Variants in SCAI observed in about 807,000 individuals in gnomAD.
SCAI encodes suppressor of cancer cell invasion, also known as protein SCAI.
A neutral mutation model predicts 92.2 loss-of-function variants in SCAI; 24 were observed. The ratio of observed to expected loss-of-function variants is 0.26; its 90% confidence interval spans 0.19 to 0.37. The LOEUF is 0.37. Among genes scored for constraint, SCAI ranks in the 10% least tolerant of loss-of-function variants. The probability of loss-of-function intolerance (pLI) is 1.00; values close to 1 mark genes in which losing one functional copy is unlikely to be tolerated. For missense variants in SCAI, 450 were observed against 736.2 expected, an observed-to-expected ratio of 0.61 and a Z score of 4.50; for synonymous variants, 261 against 258.6, an observed-to-expected ratio of 1.01 and a Z score of -0.09.
chr9:125,098,034 C>A (rs1027504104), intron 2 of SCAI, among the ~76,000 whole-genome samples: 1 of 149,538 alleles, frequency 6.7e-6, no homozygotes, highest in Non-Finnish European at 1.5e-5. Context: ...TATCTATACA[C>A]ACACATATAT....
chr9:125,026,749 T>C, intron 6 of SCAI, 63 bp downstream of exon 6: 1 of 858,068 alleles, frequency 1.2e-6, no homozygotes, highest in Non-Finnish European at 1.8e-6. Flanking sequence ...TCCACACAAT[T>C]TCTACGAAGA....
rs1480552022 is a variant in SCAI at position 124,944,552 on chromosome 9, A to G, written c.*8255T>C. The G allele has an allele frequency of 2.0e-5, 3 of 149,174 alleles. No homozygotes were observed. Among genetic ancestry groups the G allele is most frequent in the African/African-American group, 7.4e-5 (3 of 40,434 alleles). The allele number at this position is 149,174 out of a possible 1,614,324, so 9.2% of individuals were successfully genotyped here. On this transcript the variant is annotated 3_prime_UTR_variant, in exon 18 of 18. Coordinates refer to ENST00000336505, the MANE Select transcript of SCAI (RefSeq NM_001144877.3). ...CAGACTGGTCTCCAACTCCTGAGTA[A>G]TAAAAATTCTTATTGTGCTAAAACA...
rs1834787815 is a variant in SCAI at position 125,106,125 on chromosome 9, ATATATAT to A, written c.98+36501_98+36507del. Among the ~76,000 whole-genome samples, 20 of 82,184 alleles carry A rather than the reference ATATATAT, an allele frequency of 2.4e-4. 1 individual carries two copies. The highest frequency in any genetic ancestry group is 1.2e-3 in the African/African-American group (18 of 15,606). 53.9% of individuals were successfully genotyped at this position (82,184 alleles called of 152,430 possible). ...AAAAAAAAAAAAAAAAAAAAAAAATATATATATATATATATATATATATATATATAGT... is the reference window on the plus strand; with the variant it reads ...AAAAAAAAAAAAAAAAAAAAAAAATAATATATATATATATATATATATAGT... On this transcript the variant is annotated intron_variant, in intron 2 of 17. Transcript: ENST00000336505.
At chr9:124,957,324 T>C (rs914308735) in intron 17 of SCAI, among the ~76,000 whole-genome samples, 2 of 152,056 alleles carry the variant, frequency 1.3e-5, no homozygotes, top group African/African-American at 2.4e-5. Context: ...TGCATTTCTA[T>C]GTATTAGCAA....
At chr9:124,981,810 C>A (rs1207686272) in intron 14 of SCAI, among the ~76,000 whole-genome samples, 6 of 152,024 alleles carry the variant, frequency 3.9e-5, no homozygotes, top group Non-Finnish European at 8.8e-5. Flanking sequence ...GCACCACACT[C>A]AGCTAGTTTT....
chr9:125,068,640 T>C (rs1477236095), intron 2 of SCAI, among the ~76,000 whole-genome samples: 2 of 152,052 alleles, frequency 1.3e-5, no homozygotes, highest in Middle Eastern at 3.2e-3. Context: ...CTGAATAACA[T>C]GGCAAAACCC....
At chr9:125,050,235 T>C (rs767621045) in intron 3 of SCAI, among the ~76,000 whole-genome samples, 1 of 152,068 alleles carries the variant, frequency 6.6e-6, no homozygotes, top group Non-Finnish European at 1.5e-5. Context: ...TTCTTCTCTA[T>C]AAGGGCCATA....
intron 9 of SCAI, among the ~76,000 whole-genome samples, chr9:125,005,978 A>G (rs1285210163): frequency 1.3e-5 from 2 of 152,210 alleles, no homozygotes; most frequent in Non-Finnish European, 2.9e-5. Flanking sequence ...CATTATTTGC[A>G]TGGCTGAAAA....
intron 9 of SCAI, among the ~76,000 whole-genome samples, chr9:125,010,179 G>A (rs567607693): frequency 5.9e-5 from 9 of 152,328 alleles, no homozygotes; most frequent in South Asian, 2.1e-4. Context: ...CGCAGTGGGC[G>A]CAGGACAGTG....
intron 2 of SCAI, among the ~76,000 whole-genome samples, chr9:125,130,936 C>CTTTTTTTTTTTTTTT (rs545651994): frequency 1.3e-5 from 1 of 77,274 alleles, no homozygotes; most frequent in Non-Finnish European, 2.6e-5. Flanking sequence ...GTTTGAACCG[C>CTTTTTTTTTTTTTTT]TTTTTTTTTT....
intron 7 of SCAI, among the ~76,000 whole-genome samples, chr9:125,019,886 C>A (rs976374544): frequency 1.3e-4 from 19 of 151,714 alleles, no homozygotes; most frequent in Admixed American, 1.3e-3. Flanking sequence ...CCAGCCTGGG[C>A]AACATGGTGA....
chr9:125,085,281 G>A (rs1393983208), intron 2 of SCAI, among the ~76,000 whole-genome samples: 1 of 152,114 alleles, frequency 6.6e-6, no homozygotes, highest in Non-Finnish European at 1.5e-5. Context: ...GAGGTCAGGG[G>A]TTCGAGACCG....
chr9:124,995,968 C>T (rs555077907), intron 13 of SCAI, among the ~76,000 whole-genome samples: 2 of 151,962 alleles, frequency 1.3e-5, no homozygotes, highest in South Asian at 2.1e-4. Flanking sequence ...ACTGAGTACA[C>T]GATGTGCATA....
chr9:124,943,597 T>C lies in SCAI; in HGVS notation c.*9210A>G, dbSNP rs1831094637. On this transcript the variant is annotated 3_prime_UTR_variant, in exon 18 of 18. Coordinates refer to ENST00000336505, the MANE Select transcript of SCAI (RefSeq NM_001144877.3). ...ACAGACAAGCACAATTGTTAAAAAG[T>C]ATTTCACACCACTAGAAAATCGAGT... 6.6e-6 allele frequency: 1 copy of C among 152,216 alleles called. No homozygotes were observed. The allele number at this position is 152,216 out of a possible 1,614,324, so 9.4% of individuals were successfully genotyped here.
chr9:125,058,808 C>G (rs1002577305), intron 2 of SCAI, among the ~76,000 whole-genome samples: 1 of 152,156 alleles, frequency 6.6e-6, no homozygotes, highest in Non-Finnish European at 1.5e-5. Flanking sequence ...CAGGATCAAT[C>G]TGGAATATCT....
At position 124,947,762 on chromosome 9, in the gene SCAI, A is replaced by C. The variant is rs1193109722; in HGVS notation, c.*5045T>G. On this transcript the variant is annotated 3_prime_UTR_variant, in exon 18 of 18. Coordinates refer to ENST00000336505, the MANE Select transcript of SCAI (RefSeq NM_001144877.3). ...AGGTCAACAAAAGAGCCCTCAAGGT[A>C]AATACCCTCTATGATTTCCAAACAC... is the stretch of plus-strand genomic sequence containing the variant. 1 of 152,238 alleles carries C rather than the reference A, an allele frequency of 6.6e-6. No homozygotes were observed. Among genetic ancestry groups the C allele is most frequent in the East Asian group, 1.9e-4 (1 of 5,206 alleles). 9.4% of individuals were successfully genotyped at this position (152,238 alleles called of 1,614,324 possible).
chr9:125,013,856 G>C (rs1832691260), intron 9 of SCAI, among the ~76,000 whole-genome samples: 1 of 152,162 alleles, frequency 6.6e-6, no homozygotes, highest in African/African-American at 2.4e-5. Flanking sequence ...TCATCCCTGG[G>C]ATGCAAGGCT....
chr9:124,999,084 A>T (rs1356263196), intron 13 of SCAI, among the ~76,000 whole-genome samples: 6 of 152,094 alleles, frequency 3.9e-5, no homozygotes, highest in African/African-American at 1.4e-4. Flanking sequence ...TTTCAATTAA[A>T]AAAATAAAAT....
At chr9:125,129,844 A>G (rs1489337141) in intron 2 of SCAI, among the ~76,000 whole-genome samples, 1 of 152,030 alleles carries the variant, frequency 6.6e-6, no homozygotes, top group Admixed American at 6.6e-5. Flanking sequence ...CCTAACATAA[A>G]AAAGAGAAGC....
Sources: allele counts gnomAD v4.1 joint callset (sites outside exome capture counted in the v4.1 genomes callset), GRCh38; gene constraint gnomAD v4.1.1; transcripts MANE v1.5; gene names NCBI Gene and HGNC (gene_info 2026-07-23, HGNC 2026-07-21).